BCAP31: variants seen among roughly 807,000 people sequenced by gnomAD.
The protein encoded by BCAP31 is B-cell receptor-associated protein 31.
For missense variants in BCAP31, 124 were observed against 193.0 expected, an observed-to-expected ratio of 0.64 and a Z score of 2.12; for synonymous variants, 75 against 80.9, an observed-to-expected ratio of 0.93 and a Z score of 0.39.
intron 4 of BCAP31, among the ~76,000 whole-genome samples, chrX:153,709,765 C>T (rs2091577448): frequency 8.8e-6 from 1 of 113,201 alleles, no homozygotes; most frequent in Non-Finnish European, 1.9e-5. Flanking sequence ...AAAGCTGTCG[C>T]CGTCAGCCCG....
chrX:153,702,158 A>G (rs1391947002), intron 6 of BCAP31, 51 bp from the exon 7 acceptor site: 3 of 1,095,403 alleles, frequency 2.7e-6, no homozygotes, highest in Non-Finnish European at 2.5e-6. Flanking sequence ...GACAGGAATT[A>G]GGGGGAAAAA....
At chrX:153,717,448 T>C (rs1243423632) in intron 3 of BCAP31, among the ~76,000 whole-genome samples, 1 of 112,194 alleles carries the variant, frequency 8.9e-6, no homozygotes, top group African/African-American at 3.2e-5. Context: ...GTTCTTTTTG[T>C]ATGGTGGGTT....
intron 4 of BCAP31, among the ~76,000 whole-genome samples, chrX:153,706,538 T>C (rs1160048469): frequency 3.5e-5 from 4 of 112,772 alleles, no homozygotes; most frequent in Admixed American, 1.9e-4. Context: ...CCCACTGTTA[T>C]TCTGCTCCCT....
chrX:153,703,082 G>C (rs2091529575), intron 5 of BCAP31, 24 bp from the exon 6 acceptor site: 1 of 1,205,879 alleles, frequency 8.3e-7, no homozygotes, highest in African/African-American at 1.7e-5. Context: ...CAAAGGCCAG[G>C]GTTACTCAGG....
In BCAP31 at chrX:153,723,997, A is replaced by G. The variant is rs782606380; in HGVS notation, c.-45+337T>C. 5 of 383,697 alleles carry G rather than the reference A, an allele frequency of 1.3e-5. No homozygotes were observed. In the East Asian group the frequency reaches 3.3e-4, roughly 25 times the overall value. The allele number at this position is 383,697 out of a possible 1,213,427, so 31.6% of individuals were successfully genotyped here. On this transcript the variant is annotated intron_variant, in intron 1 of 7. Coordinates refer to ENST00000345046, the MANE Select transcript of BCAP31 (RefSeq NM_001256447.2). ...AGAAAGTTCTAGACGCAGTATCCTC[A>G]GAAGCCAGGGGTCCTTACAGTAGCC...
chrX:153,701,194 G>A (rs782665592), intron 7 of BCAP31, among the ~76,000 whole-genome samples: 13 of 112,406 alleles, frequency 1.2e-4, no homozygotes, highest in East Asian at 8.4e-4. Flanking sequence ...TGGACCTAAC[G>A]CCAGCCAGGG....
intron 2 of BCAP31, among the ~76,000 whole-genome samples, chrX:153,721,613 C>T (rs148579605): frequency 0.016 from 1,624 of 104,212 alleles, 42 homozygotes; most frequent in African/African-American, 0.054. Flanking sequence ...GTTGGCTGGG[C>T]GCACTGGCTC....
At chrX:153,718,680 A>G (rs937177293) in intron 3 of BCAP31, among the ~76,000 whole-genome samples, 2 of 112,326 alleles carry the variant, frequency 1.8e-5, no homozygotes, top group African/African-American at 6.5e-5. Flanking sequence ...TTTTGTAATC[A>G]GAAAAACAAG....
chrX:153,705,078 C>T (rs1163451332), intron 4 of BCAP31: 2 of 112,744 alleles, frequency 1.8e-5, no homozygotes, highest in Non-Finnish European at 3.7e-5. Flanking sequence ...TCACACACCT[C>T]AGAAGGCAAG....
intron 4 of BCAP31, 49 bp from the exon 5 acceptor site, chrX:153,704,143 G>A (rs1557047981): frequency 2.6e-6 from 3 of 1,164,433 alleles, no homozygotes; most frequent in Admixed American, 2.2e-5. Context: ...AGAGCATGAA[G>A]GGCTGGCAGG....
At chrX:153,719,194 G>A (rs1177770621) in intron 3 of BCAP31, among the ~76,000 whole-genome samples, 9 of 111,483 alleles carry the variant, frequency 8.1e-5, no homozygotes, top group African/African-American at 2.6e-4. Flanking sequence ...CTTCTGGTTT[G>A]GGGAAGGGGC....
chrX:153,721,007 G>C, intron 2 of BCAP31, 35 bp from the exon 3 acceptor site: 1 of 1,154,527 alleles, frequency 8.7e-7, no homozygotes, highest in Admixed American at 2.2e-5. Flanking sequence ...GAGTTGAAGA[G>C]AAAGCACACA....
At chrX:153,719,966 C>T (rs1420644514) in intron 3 of BCAP31, among the ~76,000 whole-genome samples, 1 of 111,811 alleles carries the variant, frequency 8.9e-6, no homozygotes, top group Non-Finnish European at 1.9e-5. Flanking sequence ...GTTTACAGAA[C>T]TACAGAGCTG....
intron 7 of BCAP31, 79 bp from the exon 8 acceptor site, chrX:153,701,054 G>T: frequency 1.1e-6 from 1 of 930,670 alleles, no homozygotes; most frequent in Non-Finnish European, 1.5e-6. Context: ...CCATGCCCCA[G>T]AGGTCCACCT....
intron 4 of BCAP31, among the ~76,000 whole-genome samples, chrX:153,709,634 G>A (rs2091576525): frequency 1.8e-5 from 2 of 112,792 alleles, no homozygotes; most frequent in African/African-American, 6.4e-5. Flanking sequence ...GGCTCATCCA[G>A]TGTGGTCCCC....
At chrX:153,722,196 C>T (rs888561545) in intron 2 of BCAP31, among the ~76,000 whole-genome samples, 17 of 111,895 alleles carry the variant, frequency 1.5e-4, no homozygotes. Flanking sequence ...TTCAAATCAA[C>T]AAGAAGCCCT....
chrX:153,715,712 C>T (rs2091622442), intron 3 of BCAP31, 23 bp from the exon 4 acceptor site: 1 of 1,206,306 alleles, frequency 8.3e-7, no homozygotes, highest in African/African-American at 1.8e-5. Context: ...AGAGAGGAGA[C>T]ACGGGCATTT....
At chrX:153,723,410 GTC>G (rs2091682252) in intron 1 of BCAP31, 122 bp from the exon 2 acceptor site, 2 of 1,129,329 alleles carry the variant, frequency 1.8e-6, no homozygotes, top group South Asian at 2.1e-5. Context: ...TTGCTTCAAA[GTC>G]TCTGATGCGC....
At chrX:153,702,466 C>G (rs1603222025) in intron 6 of BCAP31, 1 of 207,639 alleles carries the variant, frequency 4.8e-6, no homozygotes, top group East Asian at 1.2e-4. Flanking sequence ...ACGCCTTGCA[C>G]ACAGCAGCAG....
Sources: allele counts gnomAD v4.1 joint callset (sites outside exome capture counted in the v4.1 genomes callset), GRCh38; gene constraint gnomAD v4.1.1; transcripts MANE v1.5; gene names NCBI Gene and HGNC (gene_info 2026-07-23, HGNC 2026-07-21).